LRRFIP2: variants seen among roughly 807,000 people sequenced by gnomAD.
LRRFIP2 encodes LRR binding FLII interacting protein 2, also known as leucine-rich repeat flightless-interacting protein 2.
A neutral mutation model predicts 125.9 loss-of-function variants in LRRFIP2; 109 were observed. The ratio of observed to expected loss-of-function variants is 0.87; its 90% CI spans 0.74 to 1.01. The LOEUF (loss-of-function observed/expected upper bound fraction) is 1.01. LRRFIP2 is among the 50% of genes least tolerant of loss of function. The pLI is 0.00. For missense variants in LRRFIP2, 850 were observed against 862.3 expected, an observed-to-expected ratio of 0.99 and a Z score of 0.18; for synonymous variants, 291 against 293.1, an observed-to-expected ratio of 0.99 and a Z score of 0.07.
chr3:37,126,053 C>A (rs1333526419), intron 4 of LRRFIP2, among the ~76,000 whole-genome samples: 1 of 151,014 alleles, frequency 6.6e-6, no homozygotes, highest in Non-Finnish European at 1.5e-5. Flanking sequence ...GTTTGAGACA[C>A]AGTCTCACTC....
intron 15 of LRRFIP2, among the ~76,000 whole-genome samples, chr3:37,100,451 T>C (rs1288237669): frequency 1.3e-5 from 2 of 151,906 alleles, no homozygotes; most frequent in African/African-American, 2.4e-5. Context: ...TGTGTGTCTG[T>C]GTGTGTATAC....
chr3:37,090,705 A>G (rs1208918005), intron 18 of LRRFIP2, among the ~76,000 whole-genome samples: 1 of 152,230 alleles, frequency 6.6e-6, no homozygotes, highest in Non-Finnish European at 1.5e-5. Context: ...GAAAAATGTC[A>G]GTGATCCTTT....
At chr3:37,107,643 T>G (rs1486295465) in intron 13 of LRRFIP2, among the ~76,000 whole-genome samples, 1 of 152,226 alleles carries the variant, frequency 6.6e-6, no homozygotes, top group Non-Finnish European at 1.5e-5. Context: ...TATAACAATT[T>G]TTTTTAATCA....
At chr3:37,102,025 AT>A (rs1254849154) in intron 15 of LRRFIP2, among the ~76,000 whole-genome samples, 1 of 152,218 alleles carries the variant, frequency 6.6e-6, no homozygotes, top group East Asian at 1.9e-4. Context: ...GTTAGTACAA[AT>A]TAGTGACACT....
Position 37,124,316 on chromosome 3 carries a change from C to T in LRRFIP2, c.229-2625G>A, listed in dbSNP as rs189885483. Among the ~76,000 whole-genome samples, 1,454 of 152,280 alleles carry T rather than the reference C, an allele frequency of 9.5e-3. 15 individuals are homozygous for T. The highest frequency in any genetic ancestry group is 0.017 in the Non-Finnish European group (1,135 of 68,014). Reference sequence around the variant, plus strand: ...TAAACCTATTTGACAAATGTGTTTACGTAAAACTGTAAGGCAAGCTCAAGG... The same window carrying T: ...TAAACCTATTTGACAAATGTGTTTATGTAAAACTGTAAGGCAAGCTCAAGG... On this transcript the variant is annotated intron_variant, in intron 4 of 27. Coordinates refer to ENST00000336686, the MANE Select transcript of LRRFIP2 (RefSeq NM_006309.4).
At chr3:37,134,133 G>T (rs1209336586) in intron 2 of LRRFIP2, among the ~76,000 whole-genome samples, 2 of 148,034 alleles carry the variant, frequency 1.4e-5, no homozygotes, top group Admixed American at 6.8e-5. Flanking sequence ...AGTGAGCCGA[G>T]ATGGCACCAC....
At chr3:37,117,835 C>A (rs1392561892) in intron 6 of LRRFIP2, among the ~76,000 whole-genome samples, 6 of 152,164 alleles carry the variant, frequency 3.9e-5, no homozygotes, top group Non-Finnish European at 8.8e-5. Context: ...GGGCTACACA[C>A]CATAGTGTCT....
At chr3:37,083,306 C>A (rs947718556) in intron 19 of LRRFIP2, among the ~76,000 whole-genome samples, 3 of 152,080 alleles carry the variant, frequency 2.0e-5, no homozygotes, top group South Asian at 4.1e-4. Flanking sequence ...TGGAGCTTTG[C>A]GGGAGTTCCA....
chr3:37,087,304 G>A (rs2093118481), intron 18 of LRRFIP2, among the ~76,000 whole-genome samples: 1 of 152,162 alleles, frequency 6.6e-6, no homozygotes, highest in African/African-American at 2.4e-5. Flanking sequence ...CTATACTGCA[G>A]ACTTTAAATA....
chr3:37,168,456 G>A (rs545428287), intron 1 of LRRFIP2, among the ~76,000 whole-genome samples: 2 of 152,192 alleles, frequency 1.3e-5, no homozygotes, highest in Non-Finnish European at 2.9e-5. Context: ...CCATTTATAC[G>A]AGGTACCTGG....
intron 19 of LRRFIP2, among the ~76,000 whole-genome samples, chr3:37,081,165 G>T (rs559184083): frequency 6.6e-6 from 1 of 152,186 alleles, no homozygotes; most frequent in East Asian, 1.9e-4. Flanking sequence ...TTACTTAAGC[G>T]TAGGAGATCA....
chr3:37,059,791 A>T (rs1238966044), intron 24 of LRRFIP2, among the ~76,000 whole-genome samples: 2 of 120,034 alleles, frequency 1.7e-5, no homozygotes, highest in East Asian at 2.0e-4. Flanking sequence ...GTCTCAAAAA[A>T]AAAAAAAATA....
At chr3:37,131,798 A>G (rs2095434318) in intron 2 of LRRFIP2, among the ~76,000 whole-genome samples, 1 of 152,218 alleles carries the variant, frequency 6.6e-6, no homozygotes. Flanking sequence ...CAGAGACACA[A>G]TGCTTATGGG....
At chr3:37,137,898 G>T (rs986710904) in intron 2 of LRRFIP2, among the ~76,000 whole-genome samples, 1 of 152,056 alleles carries the variant, frequency 6.6e-6, no homozygotes, top group African/African-American at 2.4e-5. Flanking sequence ...AAGGTCTGAC[G>T]ACCTCCTACT....
chr3:37,132,583 T>C (rs1162944281), intron 2 of LRRFIP2, among the ~76,000 whole-genome samples: 2 of 152,212 alleles, frequency 1.3e-5, no homozygotes, highest in African/African-American at 4.8e-5. Flanking sequence ...TAAAACCACA[T>C]GCTTTAAAAG....
intron 3 of LRRFIP2, 93 bp from the exon 4 acceptor site, chr3:37,127,773 A>T: frequency 3.1e-6 from 3 of 960,330 alleles, no homozygotes; most frequent in Non-Finnish European, 4.9e-6. Context: ...TCCCTAAAAA[A>T]CAATGATAGC....
chr3:37,164,571 G>C (rs563281868), intron 1 of LRRFIP2, among the ~76,000 whole-genome samples: 7 of 152,018 alleles, frequency 4.6e-5, no homozygotes, highest in Admixed American at 2.0e-4. Flanking sequence ...ACAAAAATTA[G>C]CCAGGCATGC....
In LRRFIP2 at chr3:37,096,656, T is replaced by A. The variant is rs746095954; in HGVS notation, c.878A>T (p.Asp293Val). The change falls in exon 16 of 28, where the codon GAT becomes GTT. Residue 293 changes from aspartate to valine, a missense_variant. Transcript: ENST00000336686. ...DISIPDLSSL[D>V]EKSDKQYAEN... Reference sequence around the variant, plus strand: ...AGCATACTGTTTGTCAGATTTTTCATCCAACTAGAAAAGAACAAAGATAAA... The same window carrying A: ...AGCATACTGTTTGTCAGATTTTTCAACCAACTAGAAAAGAACAAAGATAAA... 1 of 1,561,908 alleles carries A rather than the reference T, an allele frequency of 6.4e-7. No individual in the cohort carries two copies. Among genetic ancestry groups the A allele is most frequent in the Non-Finnish European group, 8.8e-7 (1 of 1,142,336 alleles).
At chr3:37,108,017 A>C in intron 13 of LRRFIP2, 56 bp downstream of exon 13, 1 of 1,399,100 alleles carries the variant, frequency 7.1e-7, no homozygotes, top group Non-Finnish European at 1.0e-6. Context: ...CAGTGAGTAC[A>C]GATTAACGCA....
Sources: gnomAD v4.1 joint callset for allele counts (sites outside exome capture counted in the v4.1 genomes callset) on GRCh38, gnomAD v4.1.1 for gene constraint, MANE v1.5 for transcripts, NCBI Gene and HGNC (gene_info 2026-07-23, HGNC 2026-07-21) for gene names.